The following DOCK1 variants were observed in gnomAD, a reference collection of about 807,000 sequenced individuals.
The protein encoded by DOCK1 is dedicator of cytokinesis protein 1.
In DOCK1, 138 loss-of-function variants were observed where a neutral mutation model predicts 262.7. That is an observed-to-expected ratio of 0.53 (90% CI 0.46 to 0.61). The LOEUF (loss-of-function observed/expected upper bound fraction) is 0.61, where lower values mean the gene tolerates loss of function less well. Among genes scored for constraint, DOCK1 ranks in the 20% least tolerant of loss-of-function variants. The pLI is 0.00. For missense variants in DOCK1, 1,908 were observed against 2,370.7 expected (o/e 0.80, Z 4.05); for synonymous variants, 866 against 867.4 (o/e 1.00, Z 0.03).
chr10:127,061,938 T>C (rs1352829541), intron 23 of DOCK1, among the ~76,000 whole-genome samples, 162 bp downstream of exon 23: 1 of 144,120 alleles, frequency 6.9e-6, no homozygotes, highest in African/African-American at 2.6e-5. Context: ...GCTTTTTTTT[T>C]TTTTTTTTTT....
intron 1 of DOCK1, among the ~76,000 whole-genome samples, chr10:126,931,190 G>T (rs1197997261): frequency 2.0e-5 from 3 of 152,210 alleles, no homozygotes; most frequent in Non-Finnish European, 2.9e-5. Context: ...AGACAACAGT[G>T]TGTTTTCACT....
intron 25 of DOCK1, among the ~76,000 whole-genome samples, chr10:127,115,250 G>C (rs1172077000): frequency 6.6e-6 from 1 of 152,148 alleles, no homozygotes; most frequent in Admixed American, 6.5e-5. Context: ...TCCCACCCCT[G>C]GCCCTTTGCT....
Position 127,390,106 on chromosome 10 carries a change from C to T in DOCK1, c.3927+5197C>T, listed in dbSNP as rs928482531. Among the ~76,000 whole-genome samples the T allele has an allele frequency of 3.9e-5, 6 of 152,180 alleles. 1 individual carries two copies. Among genetic ancestry groups the T allele is most frequent in the African/African-American group, 1.4e-4 (6 of 41,546 alleles). On this transcript the variant is annotated intron_variant, in intron 38 of 51. Coordinates refer to ENST00000623213, the MANE Select transcript of DOCK1 (RefSeq NM_001290223.2). The stretch of plus-strand genomic sequence containing the variant: ...TCCGCCGTGAGTATAAGCTCCCTGA[C>T]GCCTCCCCAGAAGTGGCTGCTGCCA...
chr10:126,919,000 C>T (rs968297743), intron 1 of DOCK1, among the ~76,000 whole-genome samples: 1 of 107,554 alleles, frequency 9.3e-6, no homozygotes, highest in African/African-American at 3.2e-5. Flanking sequence ...TGTGGGGGCC[C>T]TTCGGCCAAG....
chr10:127,092,929 G>C (rs982640968), intron 23 of DOCK1, among the ~76,000 whole-genome samples: 1 of 152,174 alleles, frequency 6.6e-6, no homozygotes, highest in Admixed American at 6.5e-5. Flanking sequence ...CCTCAGGGCT[G>C]CTGTCACAAT....
intron 39 of DOCK1, 47 bp downstream of exon 39, chr10:127,403,191 C>CTGGTT (rs1216716030): frequency 6.5e-7 from 1 of 1,537,300 alleles, no homozygotes; most frequent in South Asian, 1.2e-5. Context: ...GCAATCTCAG[C>CTGGTT]TGGTTTTTCA....
At chr10:127,018,963 G>A (rs574403318) in intron 13 of DOCK1, 128 bp downstream of exon 13, 9 of 1,374,352 alleles carry the variant, frequency 6.5e-6, no homozygotes, top group East Asian at 5.0e-5. Context: ...AGGTGACCCT[G>A]TAAGCCCCAG....
At chr10:127,025,981 A>G (rs138787518) in intron 15 of DOCK1, 7,364 of 227,982 alleles carry the variant, frequency 0.032, 578 homozygotes, top group African/African-American at 0.16. Flanking sequence ...GCTTGAACGC[A>G]GGAGGCGGAG....
rs765943798 is a variant in DOCK1, at chr10:127,043,147, T to C, written c.2184T>C (p.Ser728=). ...VLETYIKKHF[S]ATLAYTKLTK... is the part of the protein sequence containing the mutation. ...AAACTTACATTAAGAAACACTTTAGTGCAACGTTAGCCTACACGTAAGTTC... is the reference window on the plus strand; with the variant it reads ...AAACTTACATTAAGAAACACTTTAGCGCAACGTTAGCCTACACGTAAGTTC... Residue 728 remains serine, a synonymous_variant, in exon 21 of 52, where the codon AGT becomes AGC. Transcript: ENST00000623213. 7.1e-5 allele frequency: 114 copies of C among 1,609,074 alleles called. 2 individuals carry two copies. In the Admixed American group the frequency reaches 1.9e-3, roughly 27 times the overall value.
chr10:126,932,152 G>A, intron 1 of DOCK1, among the ~76,000 whole-genome samples: 2 of 152,282 alleles, frequency 1.3e-5, no homozygotes, highest in South Asian at 4.1e-4. Context: ...GAGCCCACAG[G>A]CCTAGCATTG....
chr10:127,115,292 T>A (rs2049114855), intron 25 of DOCK1, among the ~76,000 whole-genome samples: 1 of 152,178 alleles, frequency 6.6e-6, no homozygotes, highest in Non-Finnish European at 1.5e-5. Flanking sequence ...ATTAGCATAC[T>A]GTGTGTGAGT....
At chr10:127,364,520 C>T (rs1360231927) in intron 33 of DOCK1, among the ~76,000 whole-genome samples, 1 of 152,150 alleles carries the variant, frequency 6.6e-6, no homozygotes, top group Non-Finnish European at 1.5e-5. Flanking sequence ...TGCGTGCCAC[C>T]ACGCCTGGCT....
At chr10:127,418,580 G>A in intron 45 of DOCK1, 39 bp downstream of exon 45, 1 of 1,571,864 alleles carries the variant, frequency 6.4e-7, no homozygotes, top group East Asian at 2.3e-5. Context: ...AAGCAGTCCT[G>A]CCCGGGGACA....
intron 32 of DOCK1, among the ~76,000 whole-genome samples, chr10:127,355,813 AAAG>A (rs1161421051): frequency 6.6e-6 from 1 of 152,230 alleles, no homozygotes; most frequent in African/African-American, 2.4e-5. Flanking sequence ...GCATGGCAAG[AAAG>A]AAGCAGAACC....
At chr10:127,260,479 C>T (rs2059985509) in intron 29 of DOCK1, among the ~76,000 whole-genome samples, 1 of 152,230 alleles carries the variant, frequency 6.6e-6, no homozygotes, top group South Asian at 2.1e-4. Context: ...AAATGTTATC[C>T]TGAACCTTCT....
intron 1 of DOCK1, among the ~76,000 whole-genome samples, chr10:126,915,162 C>T (rs754599909): frequency 6.6e-6 from 1 of 152,046 alleles, no homozygotes; most frequent in Non-Finnish European, 1.5e-5. Context: ...TTTTCCATTA[C>T]CAGGAAGAAT....
intron 51 of DOCK1, among the ~76,000 whole-genome samples, chr10:127,448,684 C>T (rs2070753818): frequency 1.3e-5 from 2 of 152,042 alleles, no homozygotes; most frequent in African/African-American, 2.4e-5. Context: ...GACAGCTGGC[C>T]GTATTTTTTT....
intron 2 of DOCK1, among the ~76,000 whole-genome samples, chr10:126,972,392 G>T (rs949602590): frequency 6.6e-6 from 1 of 152,114 alleles, no homozygotes; most frequent in Non-Finnish European, 1.5e-5. Flanking sequence ...TGATGGGCTT[G>T]ATTTTTTAAA....
Position 127,418,373 on chromosome 10 carries a change from C to T in DOCK1, c.4524C>T (p.Ile1508=). 6.2e-7 allele frequency: 1 copy of T among 1,609,746 alleles called. No individual in the cohort carries two copies. Among genetic ancestry groups the T allele is most frequent in the South Asian group, 1.1e-5 (1 of 90,522 alleles). Residue 1508 remains isoleucine (I), a synonymous_variant, in exon 45 of 52, where the codon ATC becomes ATT. Coordinates refer to ENST00000623213, the MANE Select transcript of DOCK1 (RefSeq NM_001290223.2). ...CTCCTCTCTCTTTGCAGGTGGAAAT[C>T]AGCCCCCTGGAGAATGCCATTGAGA... ...FEVKSVFMVE[I]SPLENAIETM... is the part of the protein sequence containing the mutation.
Sources: allele counts gnomAD v4.1 joint callset (sites outside exome capture counted in the v4.1 genomes callset), GRCh38; gene constraint gnomAD v4.1.1; transcripts MANE v1.5; gene names NCBI Gene and HGNC (gene_info 2026-07-23, HGNC 2026-07-21).